The following RMI1 variants were observed in gnomAD, a reference collection of about 807,000 sequenced individuals.
RMI1 encodes the protein RecQ mediated genome instability 1.
RMI1 carries 36 observed loss-of-function variants against 46.7 expected under a neutral mutation model. The observed-to-expected ratio is 0.77, with a 90% CI of 0.59 to 1.02. RMI1 has a LOEUF of 1.02. Among genes scored for constraint, RMI1 ranks in the 50% least tolerant of loss-of-function variants. The probability of loss-of-function intolerance (pLI) is 0.00; values close to 1 mark genes in which losing one functional copy is unlikely to be tolerated. For missense variants in RMI1, 676 were observed against 713.7 expected (o/e 0.95, Z 0.60); for synonymous variants, 250 against 252.9 (o/e 0.99, Z 0.11).
At chr9:83,990,238 C>A (rs116230131) in intron 1 of RMI1, among the ~76,000 whole-genome samples, 7 of 152,088 alleles carry the variant, frequency 4.6e-5, no homozygotes, top group Admixed American at 2.0e-4. Context: ...AGTTAGAGGC[C>A]GGGCGCAGTG....
At chr9:83,996,517 T>A (rs139279433) in intron 1 of RMI1, among the ~76,000 whole-genome samples, 371 of 152,334 alleles carry the variant, frequency 2.4e-3, no homozygotes, top group Non-Finnish European at 4.4e-3. Context: ...CACGAAGATC[T>A]TACTCTTGTT....
chr9:83,996,651 C>G (rs1957657945), intron 1 of RMI1, among the ~76,000 whole-genome samples: 1 of 152,090 alleles, frequency 6.6e-6, no homozygotes, highest in Admixed American at 6.6e-5. Context: ...AGTTAGCATA[C>G]TATATATCCT....
At chr9:83,989,677 AAT>A (rs1491133764) in intron 1 of RMI1, among the ~76,000 whole-genome samples, 11 of 113,892 alleles carry the variant, frequency 9.7e-5, no homozygotes, top group African/African-American at 2.5e-4. Flanking sequence ...CAAAAAAAAA[AAT>A]AAAATAAAAT....
intron 1 of RMI1, among the ~76,000 whole-genome samples, chr9:83,996,893 A>G (rs186358748): frequency 1.2e-4 from 18 of 151,712 alleles, no homozygotes; most frequent in Admixed American, 1.2e-3. Context: ...TTTTTTTTTT[A>G]ATCAGGCATT....
In RMI1 at chr9:83,990,309, C is replaced by T. The variant is rs561873575; in HGVS notation, c.-125-9400C>T. Among the ~76,000 whole-genome samples, 12 of 152,128 alleles carry T rather than the reference C, an allele frequency of 7.9e-5. No individual in the cohort carries two copies. The South Asian group carries it at 1.5e-3, about 18-fold the overall frequency. ...TGGGCGGATCACGAGGTCAGGAGTT[C>T]GAGACCAGCCTGGCCAACATAGTGA... On this transcript the variant is annotated intron_variant, in intron 1 of 2. Coordinates refer to ENST00000445877, the MANE Select transcript of RMI1 (RefSeq NM_001358291.2).
rs1957748980 is a variant in RMI1 at position 84,002,234 on chromosome 9, TAAAGAA to T, written c.1251_1256del (p.Glu418_Lys419del). On this transcript the variant is annotated inframe_deletion, in exon 3 of 3. Transcript: ENST00000445877. ...TACCCTTAGCCCATGATTTTACAAA[TAAAGAA>T]AAGAACTTAGAGACAGATAATAAAA... is the stretch of plus-strand genomic sequence containing the variant. 6 of 1,606,358 alleles carry T rather than the reference TAAAGAA, an allele frequency of 3.7e-6. No individual in the cohort carries two copies. The South Asian group carries it at 6.7e-5, about 18-fold the overall frequency.
chr9:84,002,313 TTAAA>T lies in RMI1; in HGVS notation c.1330_1333del (p.Asn444GlufsTer27). The T allele has an allele frequency of 6.3e-7, 1 of 1,599,798 alleles. No individual in the cohort carries two copies. Among genetic ancestry groups the T allele is most frequent in the Non-Finnish European group, 8.6e-7 (1 of 1,169,394 alleles). On this transcript the variant is annotated frameshift_variant, in exon 3 of 3. Transcript: ENST00000445877. LOFTEE classifies it high-confidence loss of function. ...TAGCCATTCCTTAAATAATAAAATA[TTAAA>T]TAGAGAGGTGGTCAACTATGTACAG...
intron 1 of RMI1, among the ~76,000 whole-genome samples, chr9:83,992,290 CATT>C (rs1294461683): frequency 6.6e-6 from 1 of 152,118 alleles, no homozygotes; most frequent in Non-Finnish European, 1.5e-5. Flanking sequence ...TAATATATAT[CATT>C]GAATCATTAA....
chr9:83,993,016 T>G (rs1957596537), intron 1 of RMI1: 1 of 152,184 alleles, frequency 6.6e-6, no homozygotes, highest in Admixed American at 6.5e-5. Context: ...TTCCAGTGCT[T>G]TACTTGAGTA....
In RMI1 at chr9:83,993,523, G is replaced by A. The variant is rs1957603957; in HGVS notation, c.-125-6186G>A. Among the ~76,000 whole-genome samples, 6 of 152,282 alleles carry A rather than the reference G, an allele frequency of 3.9e-5. No individual in the cohort carries two copies. In the South Asian group the frequency reaches 1.2e-3, roughly 32 times the overall value. On this transcript the variant is annotated intron_variant, in intron 1 of 2. Coordinates refer to ENST00000445877, the MANE Select transcript of RMI1 (RefSeq NM_001358291.2). ...ATACACCTAGAAGTGGGATAATGTGGTAGTTCTAGTTTTAATTTTTTGAGG... is the reference window on the plus strand; with the variant it reads ...ATACACCTAGAAGTGGGATAATGTGATAGTTCTAGTTTTAATTTTTTGAGG...
intron 1 of RMI1, among the ~76,000 whole-genome samples, chr9:83,988,170 C>T (rs1957519920): frequency 6.6e-6 from 1 of 152,180 alleles, no homozygotes; most frequent in Admixed American, 6.5e-5. Context: ...AGGTGTGTGC[C>T]ACCACACCTG....
At chr9:83,998,477 C>A (rs1477043475) in intron 1 of RMI1, among the ~76,000 whole-genome samples, 3 of 152,186 alleles carry the variant, frequency 2.0e-5, no homozygotes, top group East Asian at 3.9e-4. Flanking sequence ...CATACATTTA[C>A]TATGTGCTAG....
At chr9:83,998,223 A>G (rs1957687391) in intron 1 of RMI1, among the ~76,000 whole-genome samples, 1 of 152,208 alleles carries the variant, frequency 6.6e-6, no homozygotes, top group Non-Finnish European at 1.5e-5. Context: ...GACTTTTTGT[A>G]CTTTTGAATT....
At chr9:83,985,127 A>G (rs1438263141) in intron 1 of RMI1, among the ~76,000 whole-genome samples, 3 of 152,234 alleles carry the variant, frequency 2.0e-5, no homozygotes, top group Admixed American at 1.3e-4. Flanking sequence ...AAAGGTCTCA[A>G]TTATTAATAT....
chr9:83,994,245 A>G (rs1273438986), intron 1 of RMI1, among the ~76,000 whole-genome samples: 1 of 151,986 alleles, frequency 6.6e-6, no homozygotes, highest in East Asian at 1.9e-4. Context: ...CATTCCATAA[A>G]TTGTCTTTTT....
intron 1 of RMI1, among the ~76,000 whole-genome samples, chr9:83,982,454 G>A (rs905544318): frequency 6.6e-6 from 1 of 152,006 alleles, no homozygotes; most frequent in Non-Finnish European, 1.5e-5. Flanking sequence ...ACAAGGTCAG[G>A]AGATCGAGAC....
intron 1 of RMI1, among the ~76,000 whole-genome samples, chr9:83,998,278 C>T (rs1056127867): frequency 5.3e-5 from 8 of 152,306 alleles, no homozygotes; most frequent in South Asian, 2.1e-4. Flanking sequence ...TTTATACTCT[C>T]ATTTTCTTTA....
intron 1 of RMI1, among the ~76,000 whole-genome samples, chr9:83,990,521 A>C (rs988630677): frequency 6.6e-6 from 1 of 151,880 alleles, no homozygotes; most frequent in African/African-American, 2.4e-5. Flanking sequence ...AAAAAAAAAA[A>C]AAAACAATTG....
chr9:84,000,391 C>T (rs1957720315), intron 2 of RMI1, among the ~76,000 whole-genome samples: 1 of 152,094 alleles, frequency 6.6e-6, no homozygotes, highest in African/African-American at 2.4e-5. Context: ...CTTGGATCAT[C>T]CCTTTGTCCA....
Sources: allele counts gnomAD v4.1 joint callset (sites outside exome capture counted in the v4.1 genomes callset), GRCh38; gene constraint gnomAD v4.1.1; transcripts MANE v1.5; gene names NCBI Gene and HGNC (gene_info 2026-07-23, HGNC 2026-07-21).